Variants in DCC observed in about 807,000 individuals in gnomAD.
DCC encodes the protein DCC netrin 1 receptor, also known as netrin receptor DCC.
A neutral mutation model predicts 172.5 loss-of-function variants in DCC; 58 were observed. The observed-to-expected ratio is 0.34, with a 90% CI of 0.27 to 0.42. The LOEUF (loss-of-function observed/expected upper bound fraction) is 0.42, where lower values mean the gene tolerates loss of function less well. DCC is among the 10% of genes least tolerant of loss of function. DCC has a pLI of 1.00. For synonymous variants in DCC, 709 were observed against 644.5 expected (o/e 1.10, Z -1.52); for missense variants, 1,740 against 1,791.0 (o/e 0.97, Z 0.51).
At chr18:53,089,503 A>G (rs2042971403) in intron 7 of DCC, among the ~76,000 whole-genome samples, 1 of 152,168 alleles carries the variant, frequency 6.6e-6, no homozygotes, top group Non-Finnish European at 1.5e-5. Context: ...TTCATGAAAA[A>G]GTTACTAATT....
At chr18:53,201,317 GTGGC>G (rs1164877965) in intron 9 of DCC, among the ~76,000 whole-genome samples, 1 of 152,136 alleles carries the variant, frequency 6.6e-6, no homozygotes, top group Non-Finnish European at 1.5e-5. Context: ...CCCTTTCCAT[GTGGC>G]CACAAGAGAG....
chr18:53,245,613 G>A (rs1434872641), intron 12 of DCC, among the ~76,000 whole-genome samples: 1 of 152,110 alleles, frequency 6.6e-6, no homozygotes, highest in Non-Finnish European at 1.5e-5. Context: ...GGCCCTAGGA[G>A]TATAATGTTT....
intron 12 of DCC, among the ~76,000 whole-genome samples, chr18:53,286,780 C>T (rs2144739730): frequency 6.6e-6 from 1 of 152,296 alleles, no homozygotes; most frequent in Admixed American, 6.5e-5. Flanking sequence ...GATTTAGGTT[C>T]CCTCTGGAAA....
At chr18:53,255,988 T>A (rs923633752) in intron 12 of DCC, among the ~76,000 whole-genome samples, 2 of 152,218 alleles carry the variant, frequency 1.3e-5, no homozygotes, top group Non-Finnish European at 2.9e-5. Flanking sequence ...TTTTCATGTG[T>A]CTTTTGGCTG....
chr18:52,830,986 T>C (rs1195408348), intron 2 of DCC, among the ~76,000 whole-genome samples: 1 of 152,016 alleles, frequency 6.6e-6, no homozygotes, highest in East Asian at 1.9e-4. Context: ...AACTACAATA[T>C]AGATCTCAGG....
intron 14 of DCC, among the ~76,000 whole-genome samples, chr18:53,334,383 T>C (rs1403002913): frequency 3.9e-5 from 6 of 152,180 alleles, no homozygotes. Context: ...ACTCACTCTT[T>C]TTTTTCTGTT....
At chr18:52,943,043 T>A (rs2040488034) in intron 5 of DCC, among the ~76,000 whole-genome samples, 1 of 152,232 alleles carries the variant, frequency 6.6e-6, no homozygotes, top group Admixed American at 6.5e-5. Flanking sequence ...TTGTGATTAT[T>A]TCCTCTTTGT....
At chr18:53,309,935 TATA>T in intron 13 of DCC, among the ~76,000 whole-genome samples, 1 of 141,838 alleles carries the variant, frequency 7.1e-6, no homozygotes, top group Non-Finnish European at 1.5e-5. Flanking sequence ...TATATATATA[TATA>T]TATATACATG....
chr18:52,470,133 G>A (rs986922096), intron 1 of DCC, among the ~76,000 whole-genome samples: 11 of 152,260 alleles, frequency 7.2e-5, no homozygotes, highest in Admixed American at 2.0e-4. Context: ...ATAAAATGCC[G>A]GAAATAGATG....
intron 18 of DCC, among the ~76,000 whole-genome samples, chr18:53,398,710 T>C (rs753367569): frequency 6.6e-6 from 1 of 152,180 alleles, no homozygotes; most frequent in Non-Finnish European, 1.5e-5. Context: ...ACATCTGACT[T>C]GATATATGCA....
At chr18:52,910,201 G>A (rs746240155) in intron 3 of DCC, among the ~76,000 whole-genome samples, 9 of 152,084 alleles carry the variant, frequency 5.9e-5, no homozygotes, top group African/African-American at 1.9e-4. Context: ...TATCACATGT[G>A]GCTTATGGGT....
chr18:53,398,616 G>A (rs965075928), intron 18 of DCC, among the ~76,000 whole-genome samples: 4 of 152,106 alleles, frequency 2.6e-5, no homozygotes, highest in Non-Finnish European at 4.4e-5. Context: ...CCTTCCCTGT[G>A]TGAAAGAGAA....
chr18:52,784,921 A>G (rs1431737), intron 2 of DCC, among the ~76,000 whole-genome samples: 26,264 of 140,452 alleles, frequency 0.19, 2,531 homozygotes, highest in Middle Eastern at 0.24. Flanking sequence ...AGAGAGAGAG[A>G]GAAGAGAAGG....
intron 1 of DCC, among the ~76,000 whole-genome samples, chr18:52,563,978 C>T (rs1241995363): frequency 2.0e-5 from 3 of 152,096 alleles, no homozygotes; most frequent in African/African-American, 4.8e-5. Flanking sequence ...AGTAGGTCAC[C>T]GGTCCAATAT....
At chr18:52,997,406 AG>A (rs2041498767) in intron 5 of DCC, among the ~76,000 whole-genome samples, 1 of 152,148 alleles carries the variant, frequency 6.6e-6, no homozygotes, top group Non-Finnish European at 1.5e-5. Flanking sequence ...AGATCGTAGA[AG>A]GCTAAAATAT....
intron 5 of DCC, among the ~76,000 whole-genome samples, chr18:52,950,037 A>G (rs371041854): frequency 1.3e-5 from 2 of 152,324 alleles, no homozygotes; most frequent in African/African-American, 4.8e-5. Context: ...CATGGTTGGC[A>G]CTGGAGACAT....
At chr18:52,526,307 T>C (rs2031977831) in intron 1 of DCC, among the ~76,000 whole-genome samples, 2 of 152,150 alleles carry the variant, frequency 1.3e-5, no homozygotes, top group Non-Finnish European at 2.9e-5. Flanking sequence ...GCCAATGGCC[T>C]TGCAATGAGA....
chr18:52,518,929 A>C (rs1226102397), intron 1 of DCC, among the ~76,000 whole-genome samples: 3 of 152,196 alleles, frequency 2.0e-5, no homozygotes, highest in Non-Finnish European at 2.9e-5. Flanking sequence ...TAAGCATTTG[A>C]GGTCCTGATT....
intron 1 of DCC, among the ~76,000 whole-genome samples, chr18:52,601,140 T>C (rs183258548): frequency 4.6e-5 from 7 of 152,246 alleles, no homozygotes; most frequent in East Asian, 3.9e-4. Flanking sequence ...GAGGTAGACA[T>C]CTGGCTGTAT....
Sources: gnomAD v4.1 joint callset for allele counts (sites outside exome capture counted in the v4.1 genomes callset) on GRCh38, gnomAD v4.1.1 for gene constraint, MANE v1.5 for transcripts, NCBI Gene and HGNC (gene_info 2026-07-23, HGNC 2026-07-21) for gene names.